CENPE: variants seen among roughly 807,000 people sequenced by gnomAD.
CENPE encodes centromere protein E.
In CENPE, 145 loss-of-function variants were observed where a neutral mutation model predicts 336.1. The ratio of observed to expected loss-of-function variants is 0.43; its 90% CI spans 0.38 to 0.50. The LOEUF is 0.50. Ranked by LOEUF, CENPE falls within the 20% of genes least tolerant of loss-of-function variation. The pLI is 0.00. For missense variants in CENPE, 2,719 were observed against 3,023.3 expected, an observed-to-expected ratio of 0.90 and a Z score of 2.36; for synonymous variants, 1,013 against 984.8, an observed-to-expected ratio of 1.03 and a Z score of -0.54.
intron 42 of CENPE, among the ~76,000 whole-genome samples, chr4:103,127,652 T>C (rs1751247907): frequency 1.3e-5 from 2 of 152,174 alleles, no homozygotes; most frequent in Non-Finnish European, 2.9e-5. Flanking sequence ...AAATTATAAA[T>C]ATTTTGTTAT....
rs1221174707 is a variant in CENPE, at chr4:103,145,616, A to T, written c.4479T>A (p.Ile1493=). 1 of 1,610,182 alleles carries T rather than the reference A, an allele frequency of 6.2e-7. No individual in the cohort carries two copies. Among genetic ancestry groups the T allele is most frequent in the Non-Finnish European group, 8.5e-7 (1 of 1,178,564 alleles). ...HCCLKEQEET[I]NELRVNLSEK... Reference sequence around the variant, plus strand: ...CTGAAAGATTCACTCTTAACTCATTAATAGTTTCCTCTTGTTCTTTCAGGC... The same window carrying T: ...CTGAAAGATTCACTCTTAACTCATTTATAGTTTCCTCTTGTTCTTTCAGGC... Residue 1493 remains isoleucine, a synonymous_variant, in exon 31 of 49, where the codon ATT becomes ATA. Coordinates refer to ENST00000265148, the MANE Select transcript of CENPE (RefSeq NM_001813.3).
At position 103,172,623 on chromosome 4, in the gene CENPE, T is replaced by C. The variant is rs151019006; in HGVS notation, c.1647+2113A>G. Among the ~76,000 whole-genome samples the C allele has an allele frequency of 8.6e-5, 13 of 151,908 alleles. No homozygotes were observed. The East Asian group carries it at 2.5e-3, about 29-fold the overall frequency. On this transcript the variant is annotated intron_variant, in intron 16 of 48. Coordinates refer to ENST00000265148, the MANE Select transcript of CENPE (RefSeq NM_001813.3). ...AGAGCTATTAGGCAAAAGAGAAAAATAAAACATAATAGGAAAGGAGGAAGT... is the reference window on the plus strand; with the variant it reads ...AGAGCTATTAGGCAAAAGAGAAAAACAAAACATAATAGGAAAGGAGGAAGT...
At chr4:103,112,714 A>G (rs1407139761) in intron 46 of CENPE, among the ~76,000 whole-genome samples, 1 of 127,188 alleles carries the variant, frequency 7.9e-6, no homozygotes, top group African/African-American at 2.9e-5. Context: ...ATATACTTAT[A>G]AGTATATAAG....
At chr4:103,194,200 G>A (rs1402745442) in intron 8 of CENPE, 29 bp downstream of exon 8, 4 of 1,575,136 alleles carry the variant, frequency 2.5e-6, no homozygotes, top group African/African-American at 1.3e-5. Context: ...GGCCCATACA[G>A]TACATTATTA....
chr4:103,161,500 C>T (rs773746249), intron 18 of CENPE, 43 bp from the exon 19 acceptor site: 3 of 1,518,602 alleles, frequency 2.0e-6, no homozygotes, highest in Non-Finnish European at 2.6e-6. Flanking sequence ...CTAATTTTCA[C>T]AGAGTTGGAA....
intron 26 of CENPE, 43 bp from the exon 27 acceptor site, chr4:103,149,451 C>A (rs754396759): frequency 6.3e-5 from 93 of 1,484,100 alleles, no homozygotes; most frequent in Non-Finnish European, 8.0e-5. Flanking sequence ...TACTTATATT[C>A]TCAAAATTCT....
chr4:103,162,961 T>C (rs1039381547), intron 18 of CENPE, among the ~76,000 whole-genome samples, 176 bp downstream of exon 18: 1 of 152,184 alleles, frequency 6.6e-6, no homozygotes, highest in Non-Finnish European at 1.5e-5. Flanking sequence ...ATCTCTAAAA[T>C]GGCAAATATA....
rs1244516497 is a variant in CENPE, at chr4:103,180,374, T to C, written c.1179A>G (p.Lys393=). The change falls in exon 13 of 49, where the codon AAA becomes AAG. Residue 393 remains lysine, a synonymous_variant. Transcript: ENST00000265148. ...KDLLQKVQNE[K]IENLTRMLVT... is the part of the protein sequence containing the mutation. The stretch of plus-strand genomic sequence containing the variant: ...CCAGCATCCGTGTTAAGTTTTCAAT[T>C]TTCTCATTCTGTACTTTCTGAAGCA... 2 of 1,613,370 alleles carry C rather than the reference T, an allele frequency of 1.2e-6. No homozygotes were observed. Among genetic ancestry groups the C allele is most frequent in the Non-Finnish European group, 1.7e-6 (2 of 1,179,542 alleles).
intron 16 of CENPE, among the ~76,000 whole-genome samples, chr4:103,171,924 T>C (rs182827804): frequency 4.0e-5 from 6 of 151,826 alleles, no homozygotes; most frequent in Admixed American, 6.6e-5. Context: ...TATGAATAAA[T>C]AGAAAACCTG....
At chr4:103,182,181 T>C (rs1756382521) in intron 11 of CENPE, among the ~76,000 whole-genome samples, 1 of 151,910 alleles carries the variant, frequency 6.6e-6, no homozygotes, top group Non-Finnish European at 1.5e-5. Flanking sequence ...AACCTCTGCC[T>C]CCTGGGTTCA....
intron 30 of CENPE, 28 bp downstream of exon 30, chr4:103,145,801 T>A: frequency 6.4e-7 from 1 of 1,560,654 alleles, no homozygotes; most frequent in Non-Finnish European, 8.6e-7. Context: ...AAATATTTTT[T>A]AAAAACATGG....
chr4:103,125,895 C>T (rs539666574), intron 42 of CENPE, among the ~76,000 whole-genome samples: 4 of 147,560 alleles, frequency 2.7e-5, no homozygotes, highest in East Asian at 2.0e-4. Context: ...AAAGGAGTTA[C>T]CTAACAAGGA....
intron 33 of CENPE, among the ~76,000 whole-genome samples, chr4:103,144,032 G>A (rs575498737): frequency 1.3e-5 from 2 of 152,162 alleles, no homozygotes; most frequent in East Asian, 1.9e-4. Context: ...CGCCTCCTGG[G>A]TTCACGCCAT....
intron 9 of CENPE, among the ~76,000 whole-genome samples, chr4:103,185,015 T>C (rs1364252570): frequency 6.6e-6 from 1 of 152,064 alleles, no homozygotes. Context: ...GATTTACAAG[T>C]TTTCTTAGGC....
At chr4:103,140,443 T>A (rs1379279007) in intron 36 of CENPE, 29 bp from the exon 37 acceptor site, 1 of 1,474,730 alleles carries the variant, frequency 6.8e-7, no homozygotes, top group Non-Finnish European at 9.1e-7. Context: ...TCAAGAAATG[T>A]AATGATATAA....
At position 103,158,889 on chromosome 4, in the gene CENPE, T is replaced by C; in HGVS notation, c.2602-3A>G. 1 of 1,590,388 alleles carries C rather than the reference T, an allele frequency of 6.3e-7. No homozygotes were observed. Among genetic ancestry groups the C allele is most frequent in the Non-Finnish European group, 8.5e-7 (1 of 1,173,632 alleles). Reference sequence around the variant, plus strand: ...AGTTCTTGGGTCTTGTAAGAAAGCTTTAAAAAAGAAAAAGTAAATGTCACA... The same window carrying C: ...AGTTCTTGGGTCTTGTAAGAAAGCTCTAAAAAAGAAAAAGTAAATGTCACA... On this transcript the variant is annotated splice_region_variant and splice_polypyrimidine_tract_variant and intron_variant, in intron 22 of 48. Coordinates refer to ENST00000265148, the MANE Select transcript of CENPE (RefSeq NM_001813.3).
intron 42 of CENPE, among the ~76,000 whole-genome samples, chr4:103,127,196 G>A (rs12505908): frequency 0.18 from 27,211 of 149,368 alleles, 2,560 homozygotes; most frequent in Middle Eastern, 0.31. Context: ...AAAATCAAAG[G>A]TAAAAAAAAA....
chr4:103,120,779 A>G (rs893185995), intron 43 of CENPE, among the ~76,000 whole-genome samples: 9 of 151,556 alleles, frequency 5.9e-5, no homozygotes, highest in Non-Finnish European at 8.8e-5. Context: ...TCTGTTGCCC[A>G]GGCTGGAATG....
At chr4:103,168,550 A>T (rs747074028) in intron 16 of CENPE, among the ~76,000 whole-genome samples, 3 of 152,222 alleles carry the variant, frequency 2.0e-5, no homozygotes, top group African/African-American at 7.2e-5. Flanking sequence ...TTGGTTCCAT[A>T]GCACATTCTG....
Sources: gnomAD v4.1 joint callset for allele counts (sites outside exome capture counted in the v4.1 genomes callset) on GRCh38, gnomAD v4.1.1 for gene constraint, MANE v1.5 for transcripts, NCBI Gene and HGNC (gene_info 2026-07-23, HGNC 2026-07-21) for gene names.